NFX1: variants seen among roughly 807,000 people sequenced by gnomAD.
NFX1 encodes the protein transcriptional repressor NF-X1.
In NFX1, 69 loss-of-function variants were observed where a neutral mutation model predicts 137.2. The observed-to-expected ratio is 0.50, with a 90% CI of 0.41 to 0.61. The LOEUF (loss-of-function observed/expected upper bound fraction) is 0.61, where lower values mean the gene tolerates loss of function less well. Among genes scored for constraint, NFX1 ranks in the 20% least tolerant of loss-of-function variants. The probability of loss-of-function intolerance (pLI) is 0.00; values close to 1 mark genes in which losing one functional copy is unlikely to be tolerated. For synonymous variants in NFX1, 495 were observed against 474.1 expected (o/e 1.04, Z -0.57); for missense variants, 1,167 against 1,391.0 (o/e 0.84, Z 2.56).
chr9:33,324,437 G>C (rs577283545), intron 9 of NFX1, among the ~76,000 whole-genome samples: 1 of 152,270 alleles, frequency 6.6e-6, no homozygotes, highest in East Asian at 1.9e-4. Flanking sequence ...TGTGATCCCA[G>C]CTACTCAGGA....
At chr9:33,353,796 C>T (rs1327207264) in intron 17 of NFX1, among the ~76,000 whole-genome samples, 1 of 145,052 alleles carries the variant, frequency 6.9e-6, no homozygotes, top group African/African-American at 2.5e-5. Context: ...TCAAGTGATT[C>T]TCCTGCTTCA....
chr9:33,301,556 A>T, intron 3 of NFX1, 135 bp downstream of exon 3: 2 of 813,488 alleles, frequency 2.5e-6, no homozygotes, highest in African/African-American at 1.8e-5. Flanking sequence ...TACCTTGATC[A>T]TGTGTTTCAT....
Position 33,294,999 on chromosome 9 carries a change from A to G in NFX1, c.605A>G (p.Asp202Gly). 6.2e-7 allele frequency: 1 copy of G among 1,614,212 alleles called. No homozygotes were observed. Among genetic ancestry groups the G allele is most frequent in the Non-Finnish European group, 8.5e-7 (1 of 1,180,052 alleles). Residue 202 changes from aspartate to glycine, a missense_variant, in exon 2 of 24, where the codon GAT (aspartate) becomes GGT (glycine). Asp to Gly is a moderately conservative substitution (Grantham distance 94, BLOSUM62 -1). Transcript: ENST00000379540. ...AACCGAACAACTCCAAAACCGGAGGATGCTGGACCCGAAAGTACCAAACCT... is the reference window on the plus strand; with the variant it reads ...AACCGAACAACTCCAAAACCGGAGGGTGCTGGACCCGAAAGTACCAAACCT... ...WSNRTTPKPE[D>G]AGPESTKPVG...
At chr9:33,321,182 A>C (rs1310029291) in intron 9 of NFX1, among the ~76,000 whole-genome samples, 16 of 152,194 alleles carry the variant, frequency 1.1e-4, no homozygotes, top group Admixed American at 1.0e-3. Flanking sequence ...AGGAAATGTG[A>C]AATGGGTAAT....
chr9:33,301,189 C>T, intron 2 of NFX1, 74 bp from the exon 3 acceptor site: 2 of 1,335,070 alleles, frequency 1.5e-6, no homozygotes, highest in Non-Finnish European at 2.1e-6. Context: ...ACTTGCTGAT[C>T]CTTGGTTGAT....
At chr9:33,307,764 C>T (rs1160903180) in intron 5 of NFX1, among the ~76,000 whole-genome samples, 1 of 150,444 alleles carries the variant, frequency 6.6e-6, no homozygotes, top group African/African-American at 2.4e-5. Context: ...TCCAAGATGT[C>T]AAGATGTCAA....
At chr9:33,335,923 A>G (rs548416005) in intron 11 of NFX1, among the ~76,000 whole-genome samples, 5 of 152,286 alleles carry the variant, frequency 3.3e-5, no homozygotes, top group Non-Finnish European at 7.4e-5. Context: ...TATACATTTT[A>G]TCCATTCACT....
chr9:33,370,184 G>A lies in NFX1; in HGVS notation c.*206G>A, dbSNP rs965845112. On this transcript the variant is annotated 3_prime_UTR_variant, in exon 24 of 24. Coordinates refer to ENST00000379540, the MANE Select transcript of NFX1 (RefSeq NM_002504.6). Reference sequence around the variant, plus strand: ...AGTGTTTCATTATGACCAGATCTCTGATTGTATGGTCACTAGGTATGCAAT... The same window carrying A: ...AGTGTTTCATTATGACCAGATCTCTAATTGTATGGTCACTAGGTATGCAAT... 3 of 488,436 alleles carry A rather than the reference G, an allele frequency of 6.1e-6. No individual in the cohort carries two copies. The highest frequency in any genetic ancestry group is 6.0e-5 in the African/African-American group (3 of 49,788). 30.3% of individuals were successfully genotyped at this position (488,436 alleles called of 1,614,324 possible). A position where few individuals can be genotyped will look rare whatever the true frequency, so the allele number is the denominator to read the frequency against.
chr9:33,354,943 A>G, intron 19 of NFX1, 51 bp downstream of exon 19: 2 of 1,577,586 alleles, frequency 1.3e-6, no homozygotes, highest in East Asian at 2.2e-5. Context: ...AGCTCTGTGA[A>G]ATTAATGGGA....
At chr9:33,314,578 G>C (rs1284138888) in intron 7 of NFX1, among the ~76,000 whole-genome samples, 3 of 152,024 alleles carry the variant, frequency 2.0e-5, no homozygotes, top group Admixed American at 1.3e-4. Context: ...TCGGGAGGCT[G>C]AATCAAGAGA....
chr9:33,295,002 C>T lies in NFX1; in HGVS notation c.608C>T (p.Ala203Val). 1.2e-6 allele frequency: 2 copies of T among 1,614,186 alleles called. No individual in the cohort carries two copies. The highest frequency in any genetic ancestry group is 1.7e-6 in the Non-Finnish European group (2 of 1,180,026). The part of the protein sequence containing the change: ...SNRTTPKPED[A>V]GPESTKPVGV... ...CGAACAACTCCAAAACCGGAGGATG[C>T]TGGACCCGAAAGTACCAAACCTGTG... is the stretch of plus-strand genomic sequence containing the variant. The change falls in exon 2 of 24, where the codon GCT (alanine) becomes GTT (valine). Residue 203 changes from alanine to valine, a missense_variant. Around this residue, in one of 3 missense-constraint regions of NFX1, gnomAD observed 367 missense variants for 386.7 expected, o/e 0.95. Coordinates refer to ENST00000379540, the MANE Select transcript of NFX1 (RefSeq NM_002504.6).
intron 21 of NFX1, chr9:33,364,988 A>G: frequency 1.5e-6 from 2 of 1,366,916 alleles, no homozygotes; most frequent in Non-Finnish European, 1.9e-6. Context: ...AAAGATCTAC[A>G]GTCGGCTGGG....
At chr9:33,343,672 C>T (rs984051558) in intron 13 of NFX1, among the ~76,000 whole-genome samples, 3 of 152,068 alleles carry the variant, frequency 2.0e-5, no homozygotes, top group South Asian at 2.1e-4. Context: ...TCTTTTTACC[C>T]GTGCATGATT....
chr9:33,365,286 A>G, intron 21 of NFX1: 1 of 153,858 alleles, frequency 6.5e-6, no homozygotes, highest in African/African-American at 2.4e-5. Flanking sequence ...AAAAGAAAGA[A>G]AGAAAGAAAG....
chr9:33,351,524 T>C (rs1400404321), intron 15 of NFX1, 36 bp from the exon 16 acceptor site: 1 of 1,577,454 alleles, frequency 6.3e-7, no homozygotes. Flanking sequence ...AAATCCCACA[T>C]GGAGATGAGA....
chr9:33,300,065 A>ATTTT (rs34826491), intron 2 of NFX1, among the ~76,000 whole-genome samples: 7 of 100,276 alleles, frequency 7.0e-5, no homozygotes, highest in Admixed American at 1.0e-4. Context: ...ATGTTATAGC[A>ATTTT]TTTTTTTTTT....
intron 15 of NFX1, among the ~76,000 whole-genome samples, chr9:33,349,612 G>A (rs753753224): frequency 1.3e-5 from 2 of 151,962 alleles, no homozygotes; most frequent in Non-Finnish European, 1.5e-5. Flanking sequence ...TTGGTCCTAC[G>A]AGAGTAAAAT....
chr9:33,346,347 T>G (rs764899118), intron 14 of NFX1, among the ~76,000 whole-genome samples: 4 of 152,240 alleles, frequency 2.6e-5, no homozygotes, highest in Non-Finnish European at 4.4e-5. Context: ...AAGTGTTTAT[T>G]GTATTTCTAA....
At chr9:33,311,238 A>T (rs778819206) in intron 6 of NFX1, 61 bp downstream of exon 6, 1 of 1,452,812 alleles carries the variant, frequency 6.9e-7, no homozygotes, top group Non-Finnish European at 9.7e-7. Flanking sequence ...TTGACTTGTG[A>T]ATTTCTGAAA....
Sources: allele counts gnomAD v4.1 joint callset (sites outside exome capture counted in the v4.1 genomes callset), GRCh38; gene constraint gnomAD v4.1.1; regional missense constraint gnomAD v4.1.1; transcripts MANE v1.5; gene names NCBI Gene and HGNC (gene_info 2026-07-23, HGNC 2026-07-21).